Variants in TMOD1 observed in about 807,000 individuals in gnomAD.
The protein encoded by TMOD1 is tropomodulin 1.
Under a neutral mutation model 40.6 loss-of-function variants are expected in TMOD1, and 17 were observed. That is an observed-to-expected ratio of 0.42 (90% CI 0.29 to 0.63). TMOD1 has a LOEUF of 0.63. TMOD1 is among the 20% of genes least tolerant of loss of function. The probability of loss-of-function intolerance (pLI) is 0.22; values close to 1 mark genes in which losing one functional copy is unlikely to be tolerated. For synonymous variants in TMOD1, 181 were observed against 175.0 expected (o/e 1.03, Z -0.27); for missense variants, 391 against 447.6 (o/e 0.87, Z 1.14).
chr9:97,557,883 A>T lies in TMOD1; in HGVS notation c.397+4483A>T, dbSNP rs961386817. On this transcript the variant is annotated intron_variant, in intron 4 of 9. Transcript: ENST00000259365. The surrounding 1 kb of genome is among the most constrained non-coding windows in gnomAD (Gnocchi z 4.4). ...AAGATCTAGACTTAAAAAAAAAAAA[A>T]AATCAAGTTCCCCAGTGCTAAATTC... Among the ~76,000 whole-genome samples, 1 of 152,188 alleles carries T rather than the reference A, an allele frequency of 6.6e-6. No individual in the cohort carries two copies. Among genetic ancestry groups the T allele is most frequent in the Non-Finnish European group, 1.5e-5 (1 of 68,016 alleles).
chr9:97,554,209 G>T (rs1345447659), intron 4 of TMOD1, among the ~76,000 whole-genome samples: 1 of 152,084 alleles, frequency 6.6e-6, no homozygotes, highest in Admixed American at 6.5e-5. Flanking sequence ...GGAAAGGCTC[G>T]AGGCAGGTGG....
chr9:97,505,852 C>T (rs1165207428), intron 1 of TMOD1, among the ~76,000 whole-genome samples: 1 of 152,202 alleles, frequency 6.6e-6, no homozygotes, highest in Non-Finnish European at 1.5e-5. Context: ...CCCTAAGCTG[C>T]TCTCAGAGCC....
chr9:97,546,358 C>T lies in TMOD1; in HGVS notation c.277+17C>T. 2 of 1,610,288 alleles carry T rather than the reference C, an allele frequency of 1.2e-6. No homozygotes were observed. Among genetic ancestry groups the T allele is most frequent in the Non-Finnish European group, 1.7e-6 (2 of 1,178,488 alleles). ...AAAAACGAGGTACTGAACAATGTTA[C>T]TGTTATAATATGCCACTCCCCATGC... is the stretch of plus-strand genomic sequence containing the variant. On this transcript the variant is annotated intron_variant, in intron 3 of 9. Transcript: ENST00000259365.
intron 1 of TMOD1, among the ~76,000 whole-genome samples, chr9:97,505,461 T>G (rs989536273): frequency 2.0e-5 from 3 of 152,164 alleles, no homozygotes; most frequent in Non-Finnish European, 4.4e-5. Context: ...TTGTGACCAC[T>G]GCGTTGTTGC....
intron 9 of TMOD1, among the ~76,000 whole-genome samples, chr9:97,593,614 A>AG (rs1368128921): frequency 1.3e-5 from 2 of 152,110 alleles, no homozygotes; most frequent in Admixed American, 6.5e-5. Context: ...ATAACCTTTT[A>AG]GGGGAAAAAA....
intron 8 of TMOD1, among the ~76,000 whole-genome samples, chr9:97,572,553 G>A (rs1249967260): frequency 6.6e-6 from 1 of 152,156 alleles, no homozygotes; most frequent in Non-Finnish European, 1.5e-5. Flanking sequence ...GGCTCAGGAG[G>A]AGGCCACCTG....
chr9:97,530,074 C>T (rs1830075637), intron 2 of TMOD1, among the ~76,000 whole-genome samples: 1 of 152,156 alleles, frequency 6.6e-6, no homozygotes. Context: ...CTGGGAGCAC[C>T]TCTGAGACTA....
chr9:97,560,237 T>C (rs984235024), intron 4 of TMOD1, among the ~76,000 whole-genome samples: 1 of 152,102 alleles, frequency 6.6e-6, no homozygotes, highest in African/African-American at 2.4e-5. Context: ...TACAGTCTAG[T>C]AGCAGAAGCA....
At chr9:97,518,661 T>G (rs1379997577) in intron 1 of TMOD1, among the ~76,000 whole-genome samples, 1 of 152,100 alleles carries the variant, frequency 6.6e-6, no homozygotes. Flanking sequence ...GGGTGACCCG[T>G]GATATGAAGC....
chr9:97,542,804 C>T, intron 2 of TMOD1, among the ~76,000 whole-genome samples: 1 of 146,532 alleles, frequency 6.8e-6, no homozygotes, highest in Non-Finnish European at 1.5e-5. Context: ...GAGCCGAGAT[C>T]ACGCCACTGC....
At chr9:97,529,143 C>A (rs1365590112) in intron 2 of TMOD1, among the ~76,000 whole-genome samples, 1 of 152,182 alleles carries the variant, frequency 6.6e-6, no homozygotes. Flanking sequence ...GTTTAGACTG[C>A]AGATGTGCTC....
chr9:97,532,403 C>T (rs1830116509), intron 2 of TMOD1, among the ~76,000 whole-genome samples: 1 of 152,176 alleles, frequency 6.6e-6, no homozygotes, highest in Non-Finnish European at 1.5e-5. Context: ...GACCTTTCCT[C>T]CCCTCCCTCG....
intron 1 of TMOD1, among the ~76,000 whole-genome samples, chr9:97,508,635 A>G (rs1829641541): frequency 6.6e-6 from 1 of 152,182 alleles, no homozygotes; most frequent in Admixed American, 6.5e-5. Flanking sequence ...AGGTGGCAGC[A>G]TGGAGTACTG....
At chr9:97,562,636 T>C (rs890560870) in intron 4 of TMOD1, 96 bp from the exon 5 acceptor site, 1 of 821,424 alleles carries the variant, frequency 1.2e-6, no homozygotes, top group Non-Finnish European at 1.9e-6. Context: ...TCTTGCCATT[T>C]CTGTGAGCCA....
intron 9 of TMOD1, 30 bp downstream of exon 9, chr9:97,591,465 C>G (rs756554788): frequency 1.2e-6 from 2 of 1,608,044 alleles, no homozygotes; most frequent in Non-Finnish European, 1.7e-6. Context: ...CTGCCCTGCC[C>G]GCAGTCCTGT....
chr9:97,503,604 C>G (rs1313175971), intron 1 of TMOD1, among the ~76,000 whole-genome samples: 1 of 152,188 alleles, frequency 6.6e-6, no homozygotes, highest in Non-Finnish European at 1.5e-5. Context: ...GAGTTTCTCC[C>G]AGCCTAAGAT....
chr9:97,515,587 G>T (rs929521599), intron 1 of TMOD1, among the ~76,000 whole-genome samples: 1 of 152,158 alleles, frequency 6.6e-6, no homozygotes. Flanking sequence ...GCCTATTTTG[G>T]TACCTTTAAT....
At chr9:97,586,660 C>G (rs1825878684) in intron 8 of TMOD1, among the ~76,000 whole-genome samples, 1 of 152,230 alleles carries the variant, frequency 6.6e-6, no homozygotes, top group South Asian at 2.1e-4. Context: ...CAGCGAGACT[C>G]TGTGGGCGTA....
chr9:97,600,808 G>T lies in TMOD1; in HGVS notation c.*1110G>T. The T allele has an allele frequency of 9.3e-7, 1 of 1,076,770 alleles. No individual in the cohort carries two copies. Among genetic ancestry groups the T allele is most frequent in the Non-Finnish European group, 1.1e-6 (1 of 882,018 alleles). 66.7% of individuals were successfully genotyped at this position (1,076,770 alleles called of 1,614,324 possible). ...AAATGTAGTATTAGTACTGCTGCCAGATCTCTTTTTAACATCATGTGCGTC... is the reference window on the plus strand; with the variant it reads ...AAATGTAGTATTAGTACTGCTGCCATATCTCTTTTTAACATCATGTGCGTC... On this transcript the variant is annotated 3_prime_UTR_variant, in exon 10 of 10. Coordinates refer to ENST00000259365, the MANE Select transcript of TMOD1 (RefSeq NM_003275.4).
Sources: gnomAD v4.1 joint callset for allele counts (sites outside exome capture counted in the v4.1 genomes callset) on GRCh38, gnomAD v4.1.1 for gene constraint, Gnocchi (gnomAD v3.1) non-coding constraint, MANE v1.5 for transcripts, NCBI Gene and HGNC (gene_info 2026-07-23, HGNC 2026-07-21) for gene names.